The following ADSL variants were observed in gnomAD, a reference collection of about 807,000 sequenced individuals.
The protein encoded by ADSL is adenylosuccinate lyase.
ADSL carries 44 observed loss-of-function variants against 62.1 expected under a neutral mutation model. The observed-to-expected ratio is 0.71, with a 90% CI of 0.56 to 0.91. ADSL has a LOEUF of 0.91. Among genes scored for constraint, ADSL ranks in the 40% least tolerant of loss-of-function variants. The pLI is 0.00. For missense variants in ADSL, 531 were observed against 627.4 expected, an observed-to-expected ratio of 0.85 and a Z score of 1.64; for synonymous variants, 198 against 220.5, an observed-to-expected ratio of 0.90 and a Z score of 0.90.
intron 1 of ADSL, chr22:40,348,860 C>G: frequency 8.7e-6 from 3 of 343,108 alleles, no homozygotes; most frequent in Non-Finnish European, 1.6e-5. Context: ...GCCCTTGGAT[C>G]TAAGTTCCGA....
chr22:40,364,777 TAG>T, intron 11 of ADSL, 101 bp from the exon 12 acceptor site: 1 of 1,251,690 alleles, frequency 8.0e-7, no homozygotes, highest in Non-Finnish European at 1.2e-6. Context: ...GGGTTTTGTG[TAG>T]AGCTGTGTAG....
At chr22:40,360,281 A>T in intron 6 of ADSL, 121 bp from the exon 7 acceptor site, 1 of 766,798 alleles carries the variant, frequency 1.3e-6, no homozygotes, top group Non-Finnish European at 2.3e-6. Context: ...GGCTGGCCTT[A>T]ACCTCCTGAG....
chr22:40,385,072 G>A (rs1166595747), intron 2 of ADSL, among the ~76,000 whole-genome samples: 1 of 152,228 alleles, frequency 6.6e-6, no homozygotes, highest in African/African-American at 2.4e-5. Flanking sequence ...AATATGGTCT[G>A]TGCCCTCAGA....
chr22:40,355,927 C>T (rs1455423179), intron 4 of ADSL, among the ~76,000 whole-genome samples: 1 of 151,544 alleles, frequency 6.6e-6, no homozygotes, highest in Non-Finnish European at 1.5e-5. Flanking sequence ...TGGCTCATGC[C>T]TGTAATCCCA....
In ADSL at chr22:40,378,250, C is replaced by G. The variant is rs560157406; in HGVS notation, c.89+11752C>G. The G allele has an allele frequency of 3.3e-5, 5 of 152,080 alleles. No homozygotes were observed. In the East Asian group the frequency reaches 9.8e-4, roughly 30 times the overall value. The allele number at this position is 152,080 out of a possible 1,614,324, so 9.4% of individuals were successfully genotyped here. A position where few individuals can be genotyped will look rare whatever the true frequency, so the allele number is the denominator to read the frequency against. The stretch of plus-strand genomic sequence containing the variant: ...TTTGAGACTACCCTGGGCAACATAG[C>G]AAGACCAGCATCTCTACAAAAAAAT... On this transcript the variant is annotated intron_variant, in intron 2 of 2. Transcript: ENST00000498234.
At chr22:40,357,672 C>T (rs888548887) in intron 4 of ADSL, among the ~76,000 whole-genome samples, 1 of 152,230 alleles carries the variant, frequency 6.6e-6, no homozygotes, top group Non-Finnish European at 1.5e-5. Flanking sequence ...CTTGACTCCT[C>T]ACAAAGGCTT....
rs907327258 is a variant in ADSL, at chr22:40,364,621, A to G, written c.1191+256A>G. The G allele has an allele frequency of 6.5e-5, 41 of 627,348 alleles. No homozygotes were observed. In the Admixed American group the frequency reaches 1.0e-3, roughly 16 times the overall value. The allele number at this position is 627,348 out of a possible 1,614,324, so 38.9% of individuals were successfully genotyped here. A position where few individuals can be genotyped will look rare whatever the true frequency, so the allele number is the denominator to read the frequency against. ...GAGGTCTGACATTCTGTAGGAAATGAGCAGGAAACGAGCAAATGATTCATG... is the reference window on the plus strand; with the variant it reads ...GAGGTCTGACATTCTGTAGGAAATGGGCAGGAAACGAGCAAATGATTCATG... On this transcript the variant is annotated intron_variant, in intron 11 of 12. Coordinates refer to ENST00000623063, the MANE Select transcript of ADSL (RefSeq NM_000026.4).
rs1306829273 is a variant in ADSL at position 40,366,437 on chromosome 22, T to TG, written c.1371dup (p.Gln458AlafsTer16). The TG allele has an allele frequency of 6.2e-7, 1 of 1,607,304 alleles. No individual in the cohort carries two copies. Among genetic ancestry groups the TG allele is most frequent in the African/African-American group, 1.3e-5 (1 of 74,738 alleles). On this transcript the variant is annotated frameshift_variant and splice_region_variant, in exon 13 of 13. Transcript: ENST00000623063. LOFTEE classifies it high-confidence loss of function. ...CTTGTATTTGCTTTCCTCTGGCAGG[T>TG]GCAGAGATTCTTAGAAGAGGAGGTG...
chr22:40,354,825 C>T (rs1316128770), intron 4 of ADSL, among the ~76,000 whole-genome samples: 1 of 149,178 alleles, frequency 6.7e-6, no homozygotes, highest in Non-Finnish European at 1.5e-5. Context: ...GCCAAGATCG[C>T]ACCACTGCAT....
chr22:40,353,051 A>T, intron 2 of ADSL, 22 bp from the exon 3 acceptor site: 1 of 1,608,710 alleles, frequency 6.2e-7, no homozygotes, highest in Admixed American at 1.7e-5. Context: ...TAAATATAAG[A>T]TCATTGCATT....
chr22:40,374,648 C>A (rs2046249566), intron 2 of ADSL, among the ~76,000 whole-genome samples: 1 of 152,176 alleles, frequency 6.6e-6, no homozygotes, highest in African/African-American at 2.4e-5. Context: ...TTTGGGAGGC[C>A]AAGGTAGAGG....
chr22:40,351,428 C>G (rs2044343004), intron 2 of ADSL, among the ~76,000 whole-genome samples: 1 of 151,874 alleles, frequency 6.6e-6, no homozygotes. Flanking sequence ...CTCCTCAGCC[C>G]CCCAAAGTGC....
intron 4 of ADSL, among the ~76,000 whole-genome samples, chr22:40,357,347 G>C (rs1295918611): frequency 6.8e-6 from 1 of 148,010 alleles, no homozygotes; most frequent in Non-Finnish European, 1.5e-5. Flanking sequence ...TCCGCCTCCT[G>C]GGTTCAAGTG....
rs747964752 is a variant in ADSL at position 40,364,910 on chromosome 22, C to T, written c.1222C>T (p.Gln408Ter). The T allele has an allele frequency of 1.9e-6, 3 of 1,614,236 alleles. No individual in the cohort carries two copies. Among genetic ancestry groups the T allele is most frequent in the Admixed American group, 1.7e-5 (1 of 60,030 alleles). ...CCATGAGAAAATCAGAGTGCTTTCT[C>T]AGCAGGCAGCTTCTGTGGTTAAGCA... ...DCHEKIRVLS[Q>*]QAASVVKQEG... is the part of the protein sequence containing the mutation. The change falls in exon 12 of 13, where the codon CAG becomes TAG. Residue 408 changes from glutamine to a stop codon, truncating the protein, a stop_gained. Transcript: ENST00000623063. LOFTEE classifies it high-confidence loss of function.
chr22:40,357,176 G>A (rs557437311), intron 4 of ADSL, among the ~76,000 whole-genome samples: 46 of 150,042 alleles, frequency 3.1e-4, no homozygotes, highest in South Asian at 6.4e-4. Context: ...GATTACAAGC[G>A]TGAGACACCG....
At chr22:40,356,535 CA>C (rs113457420) in intron 4 of ADSL, among the ~76,000 whole-genome samples, 3,856 of 79,646 alleles carry the variant, frequency 0.048, 138 homozygotes, top group African/African-American at 0.15. Context: ...ATTCCGTCTC[CA>C]AAAAAAAAAA....
intron 7 of ADSL, 124 bp from the exon 8 acceptor site, chr22:40,361,149 G>A (rs146816578): frequency 6.0e-5 from 54 of 898,360 alleles, no homozygotes; most frequent in Admixed American, 4.7e-4. Flanking sequence ...GGGAGGATGC[G>A]CTGGTCTTCA....
chr22:40,382,363 T>C (rs1274020477), intron 2 of ADSL, among the ~76,000 whole-genome samples: 2 of 152,052 alleles, frequency 1.3e-5, no homozygotes, highest in Non-Finnish European at 2.9e-5. Context: ...TTTCCTGGGG[T>C]ATCTCAAGCA....
chr22:40,363,011 C>T lies in ADSL; in HGVS notation c.1041C>T (p.Thr347=), dbSNP rs767608764. Residue 347 remains threonine, a synonymous_variant, in exon 10 of 13, where the codon ACC becomes ACT. Transcript: ENST00000623063. ...TCTGTTTGGCCGAGGCATTTCTTAC[C>T]GCAGATACTATATTGAATACGCTGC... ...RRICLAEAFL[T]ADTILNTLQN... 9 of 1,614,086 alleles carry T rather than the reference C, an allele frequency of 5.6e-6. No homozygotes were observed. The highest frequency in any genetic ancestry group is 3.3e-5 in the Admixed American group (2 of 60,012).
Sources: gnomAD v4.1 joint callset for allele counts (sites outside exome capture counted in the v4.1 genomes callset) on GRCh38, gnomAD v4.1.1 for gene constraint, MANE v1.5 for transcripts, NCBI Gene and HGNC (gene_info 2026-07-23, HGNC 2026-07-21) for gene names.